Variants in MAF observed in about 807,000 individuals in gnomAD.
The protein encoded by MAF is transcription factor Maf.
A neutral mutation model predicts 22.0 loss-of-function variants in MAF; 10 were observed. The ratio of observed to expected loss-of-function variants is 0.45; its 90% CI spans 0.28 to 0.77. MAF has a LOEUF of 0.77. Among genes scored for constraint, MAF ranks in the 30% least tolerant of loss-of-function variants. MAF has a pLI of 0.12. For missense variants in MAF, 544 were observed against 548.4 expected (o/e 0.99, Z 0.08); for synonymous variants, 337 against 255.8 (o/e 1.32, Z -3.03).
the MAF span, among the ~76,000 whole-genome samples, chr16:79,439,600 G>C: frequency 3.3e-5 from 5 of 152,100 alleles, no homozygotes; most frequent in African/African-American, 9.7e-5. Flanking sequence ...CTCTGGATAA[G>C]AAAACAAAGG....
At chr16:79,344,897 C>T in the MAF span, among the ~76,000 whole-genome samples, 25 of 152,318 alleles carry the variant, frequency 1.6e-4, no homozygotes, top group Admixed American at 1.2e-3. Context: ...ATCCTCATAA[C>T]TTTAAACAAA....
At chr16:79,392,062 G>A in the MAF span, among the ~76,000 whole-genome samples, 10 of 149,968 alleles carry the variant, frequency 6.7e-5, no homozygotes, top group Admixed American at 6.7e-4. Context: ...GAGAAGAGAG[G>A]AGAAGACAGA....
the MAF span, among the ~76,000 whole-genome samples, chr16:79,482,371 C>A: frequency 1.3e-5 from 2 of 152,192 alleles, no homozygotes; most frequent in Non-Finnish European, 2.9e-5. Flanking sequence ...TTACCACCGC[C>A]TTCTGCCCCA....
At position 79,594,399 on chromosome 16, in the gene MAF, C is replaced by T. The variant is rs1386860357; in HGVS notation, c.*61G>A. On this transcript the variant is annotated 3_prime_UTR_variant, in exon 2 of 2. Transcript: ENST00000326043. Reference sequence around the variant, plus strand: ...CAGAAGTCAGGGGTAGGTGGTTCTCCATGACTGCAAATAATAATAATAATG... The same window carrying T: ...CAGAAGTCAGGGGTAGGTGGTTCTCTATGACTGCAAATAATAATAATAATG... The T allele has an allele frequency of 6.8e-7, 1 of 1,463,312 alleles. No homozygotes were observed. The highest frequency in any genetic ancestry group is 2.5e-5 in the East Asian group (1 of 40,452). 90.6% of individuals were successfully genotyped at this position (1,463,312 alleles called of 1,614,324 possible).
At chr16:79,376,900 C>A in the MAF span, among the ~76,000 whole-genome samples, 1 of 152,200 alleles carries the variant, frequency 6.6e-6, no homozygotes, top group African/African-American at 2.4e-5. Context: ...ATATATGCCA[C>A]ATTTTCTTAA....
chr16:79,438,571 G>A, the MAF span, among the ~76,000 whole-genome samples: 3 of 152,072 alleles, frequency 2.0e-5, no homozygotes, highest in Admixed American at 6.6e-5. Context: ...TTATCTTCCC[G>A]GGAACCTCGA....
At chr16:79,231,963 G>T in the MAF span, among the ~76,000 whole-genome samples, 1 of 151,998 alleles carries the variant, frequency 6.6e-6, no homozygotes, top group African/African-American at 2.4e-5. Context: ...CTCTCATAAG[G>T]AGCACACAAC....
At chr16:79,510,262 T>G in the MAF span, among the ~76,000 whole-genome samples, 1 of 152,196 alleles carries the variant, frequency 6.6e-6, no homozygotes, top group Non-Finnish European at 1.5e-5. Flanking sequence ...TGAACATATA[T>G]TTGCCTCCTC....
At chr16:79,522,947 T>A in the MAF span, among the ~76,000 whole-genome samples, 1 of 152,188 alleles carries the variant, frequency 6.6e-6, no homozygotes, top group African/African-American at 2.4e-5. Context: ...AGAAGAGACA[T>A]GATGTCTTTC....
the MAF span, among the ~76,000 whole-genome samples, chr16:79,511,181 C>T: frequency 6.6e-6 from 1 of 152,132 alleles, no homozygotes; most frequent in South Asian, 2.1e-4. Context: ...TACCTTTTCT[C>T]TCCAAACCTT....
At chr16:79,382,836 C>A in the MAF span, among the ~76,000 whole-genome samples, 1 of 152,190 alleles carries the variant, frequency 6.6e-6, no homozygotes, top group African/African-American at 2.4e-5. Context: ...AAGAACTGCT[C>A]TAGTGCACGA....
the MAF span, among the ~76,000 whole-genome samples, chr16:79,522,387 G>A: frequency 1.9e-3 from 287 of 152,128 alleles, 1 homozygote; most frequent in Admixed American, 2.3e-3. Flanking sequence ...CCTTCCCCAC[G>A]CCCCACCACC....
At chr16:79,320,858 G>C in the MAF span, among the ~76,000 whole-genome samples, 1 of 152,156 alleles carries the variant, frequency 6.6e-6, no homozygotes, top group East Asian at 1.9e-4. Context: ...GAATCCTCAC[G>C]AGAACCCCAT....
chr16:79,498,423 G>T, the MAF span, among the ~76,000 whole-genome samples: 1 of 152,128 alleles, frequency 6.6e-6, no homozygotes, highest in African/African-American at 2.4e-5. Flanking sequence ...GAAGAAATTT[G>T]TTTTCAACAG....
the MAF span, among the ~76,000 whole-genome samples, chr16:79,456,942 A>G: frequency 3.3e-5 from 5 of 152,166 alleles, no homozygotes; most frequent in African/African-American, 9.6e-5. Flanking sequence ...TTTTACACAC[A>G]CACACACACA....
At chr16:79,392,471 G>C in the MAF span, among the ~76,000 whole-genome samples, 1 of 146,518 alleles carries the variant, frequency 6.8e-6, no homozygotes, top group Non-Finnish European at 1.5e-5. Context: ...GGAGTGATGA[G>C]AGAAGGAGGG....
At chr16:79,539,356 G>C in the MAF span, among the ~76,000 whole-genome samples, 1 of 152,056 alleles carries the variant, frequency 6.6e-6, no homozygotes, top group East Asian at 1.9e-4. Context: ...TACAGAAATT[G>C]GCCGGGCTTG....
the MAF span, among the ~76,000 whole-genome samples, chr16:79,446,070 G>C: frequency 2.0e-5 from 3 of 151,152 alleles, no homozygotes; most frequent in Admixed American, 6.6e-5. Context: ...CAGAGACAGA[G>C]AGAAAAAAAA....
chr16:79,369,063 C>G, the MAF span, among the ~76,000 whole-genome samples: 2 of 152,330 alleles, frequency 1.3e-5, no homozygotes, highest in African/African-American at 2.4e-5. Flanking sequence ...GTTGGACACA[C>G]AGCAAGAGCC....
Sources: gnomAD v4.1 joint callset for allele counts (sites outside exome capture counted in the v4.1 genomes callset) on GRCh38, gnomAD v4.1.1 for gene constraint, MANE v1.5 for transcripts, NCBI Gene and HGNC (gene_info 2026-07-23, HGNC 2026-07-21) for gene names.